HERPUD2: variants seen among roughly 807,000 people sequenced by gnomAD.
HERPUD2 encodes the protein HERPUD family member 2.
A neutral mutation model predicts 49.9 loss-of-function variants in HERPUD2; 13 were observed. The observed-to-expected ratio is 0.26, with a 90% CI of 0.17 to 0.41. The LOEUF is 0.41. Among genes scored for constraint, HERPUD2 ranks in the 10% least tolerant of loss-of-function variants. The pLI is 1.00. For synonymous variants in HERPUD2, 172 were observed against 171.4 expected (o/e 1.00, Z -0.03); for missense variants, 449 against 492.2 (o/e 0.91, Z 0.83).
chr7:35,690,784 G>C (rs73340353), intron 2 of HERPUD2, among the ~76,000 whole-genome samples: 4,356 of 151,230 alleles, frequency 0.029, 185 homozygotes, highest in African/African-American at 0.098. Flanking sequence ...ACTCCAGCCT[G>C]GGAAACAAAA....
intron 2 of HERPUD2, among the ~76,000 whole-genome samples, chr7:35,674,379 C>CTACATATATATATA (rs1785705199): frequency 4.7e-5 from 2 of 42,968 alleles, no homozygotes; most frequent in Non-Finnish European, 8.0e-5. Context: ...GTCTTACAAC[C>CTACATATATATATA]TATATATATA....
chr7:35,686,747 C>CAAAAAAAAAA lies in HERPUD2; in HGVS notation c.147+7436_147+7437insTTTTTTTTTT, dbSNP rs1187930200. On this transcript the variant is annotated intron_variant, in intron 2 of 8. Transcript: ENST00000311350. ...AAAAAAAAAAAAAAAAAAAAAAAAC[C>CAAAAAAAAAA]AAACCCATTTCCAGGCCAGGGGTGG... Among the ~76,000 whole-genome samples the CAAAAAAAAAA allele has an allele frequency of 9.7e-5, 2 of 20,676 alleles. 1 individual carries two copies. Among genetic ancestry groups the CAAAAAAAAAA allele is most frequent in the Non-Finnish European group, 1.5e-4 (2 of 13,232 alleles). 13.6% of individuals were successfully genotyped at this position (20,676 alleles called of 152,430 possible).
chr7:35,666,922 A>G (rs1415237840), intron 5 of HERPUD2, among the ~76,000 whole-genome samples: 2 of 152,254 alleles, frequency 1.3e-5, no homozygotes, highest in African/African-American at 2.4e-5. Context: ...AGTTGATTAG[A>G]AACACTTGTG....
intron 8 of HERPUD2, 50 bp from the exon 9 acceptor site, chr7:35,633,901 A>G (rs777070070): frequency 2.0e-6 from 3 of 1,531,286 alleles, no homozygotes; most frequent in Non-Finnish European, 2.7e-6. Flanking sequence ...AACGAGCATT[A>G]GCTCATAATA....
chr7:35,644,065 A>C (rs1417205445), intron 5 of HERPUD2, among the ~76,000 whole-genome samples: 3 of 152,194 alleles, frequency 2.0e-5, no homozygotes, highest in Admixed American at 1.3e-4. Context: ...TAAAGCAAAT[A>C]AGTAATTATG....
chr7:35,649,763 G>C (rs1307386945), intron 5 of HERPUD2, among the ~76,000 whole-genome samples: 2 of 152,222 alleles, frequency 1.3e-5, no homozygotes, highest in Non-Finnish European at 2.9e-5. Flanking sequence ...TTATCATATA[G>C]ATAAAGCTCC....
intron 6 of HERPUD2, among the ~76,000 whole-genome samples, chr7:35,637,143 A>C (rs1784883149): frequency 7.2e-6 from 1 of 138,828 alleles, no homozygotes; most frequent in Admixed American, 7.2e-5. Flanking sequence ...AAAAAAAAAG[A>C]AAGAAAGAAA....
At chr7:35,644,317 T>C (rs1562669596) in intron 5 of HERPUD2, among the ~76,000 whole-genome samples, 1 of 150,592 alleles carries the variant, frequency 6.6e-6, no homozygotes, top group Non-Finnish European at 1.5e-5. Flanking sequence ...TAACTACCAG[T>C]TTACAGGCAA....
chr7:35,685,585 C>A (rs1786021522), intron 2 of HERPUD2, among the ~76,000 whole-genome samples: 1 of 151,972 alleles, frequency 6.6e-6, no homozygotes, highest in Non-Finnish European at 1.5e-5. Context: ...TTCAGCCTCC[C>A]AAAGTGCTGA....
At position 35,673,185 on chromosome 7, in the gene HERPUD2, T is replaced by C; in HGVS notation, c.225+16A>G. On this transcript the variant is annotated intron_variant, in intron 3 of 8. Coordinates refer to ENST00000311350, the MANE Select transcript of HERPUD2 (RefSeq NM_022373.5). ...TCTGAATGTATCTGGTATCAAATAG[T>C]GGTAGAAAAGCTTACTTTTCTGAGA... 1 of 1,595,176 alleles carries C rather than the reference T, an allele frequency of 6.3e-7. No individual in the cohort carries two copies. The highest frequency in any genetic ancestry group is 8.6e-7 in the Non-Finnish European group (1 of 1,165,242).
intron 7 of HERPUD2, 86 bp downstream of exon 7, chr7:35,635,049 A>G: frequency 5.3e-6 from 5 of 945,056 alleles, no homozygotes; most frequent in Non-Finnish European, 8.0e-6. Flanking sequence ...CCTTCACTCA[A>G]CATTCACAAC....
At chr7:35,650,104 G>A (rs1004431170) in intron 5 of HERPUD2, among the ~76,000 whole-genome samples, 6 of 152,028 alleles carry the variant, frequency 3.9e-5, no homozygotes, top group Non-Finnish European at 7.4e-5. Context: ...GCTTCATGAC[G>A]GCTAACTAGA....
Position 35,635,445 on chromosome 7 carries a change from A to G in HERPUD2, c.631T>C (p.Ser211Pro). 1.2e-6 allele frequency: 2 copies of G among 1,610,338 alleles called. No homozygotes were observed. Among genetic ancestry groups the G allele is most frequent in the Non-Finnish European group, 1.7e-6 (2 of 1,177,134 alleles). ...QYYMQYQAAV[S>P]AQATSNVNPT... is the part of the protein sequence containing the mutation. ...TTGACATTTGATGTGGCCTGAGCTGAAACTGCAGCTTGACTGAAATAGTCA... is the reference window on the plus strand; with the variant it reads ...TTGACATTTGATGTGGCCTGAGCTGGAACTGCAGCTTGACTGAAATAGTCA... Residue 211 changes from serine (S) to proline (P), a missense_variant, in exon 7 of 9, where the codon TCA (serine) becomes CCA (proline). Transcript: ENST00000311350.
At chr7:35,647,837 T>C (rs1785082759) in intron 5 of HERPUD2, among the ~76,000 whole-genome samples, 1 of 152,212 alleles carries the variant, frequency 6.6e-6, no homozygotes, top group Non-Finnish European at 1.5e-5. Flanking sequence ...GACCAGAGTT[T>C]TTATAAAATG....
chr7:35,655,406 G>C (rs969825667), intron 5 of HERPUD2, among the ~76,000 whole-genome samples: 2 of 152,156 alleles, frequency 1.3e-5, no homozygotes, highest in African/African-American at 4.8e-5. Flanking sequence ...AGGGATGCAA[G>C]AATGATTCAA....
intron 2 of HERPUD2, among the ~76,000 whole-genome samples, chr7:35,682,275 ATACAC>A (rs1785914370): frequency 2.7e-5 from 1 of 36,458 alleles, no homozygotes; most frequent in Non-Finnish European, 5.5e-5. Flanking sequence ...ATATAGATAT[ATACAC>A]ATACACACGT....
chr7:35,667,525 C>A lies in HERPUD2; in HGVS notation c.403G>T (p.Gly135Cys). ...SGQETLSLAV[G>C]SSSEGLRQRT... ...TGCCTCAATCCTTCTGAGGAAGAAC[C>A]CACAGCTAAAGACAAGGTTTCTTGA... Residue 135 changes from glycine (G) to cysteine (C), a missense_variant, in exon 5 of 9, where the codon GGT becomes TGT. Gly to Cys is a radical substitution (Grantham distance 159). Transcript: ENST00000311350. 6.2e-7 allele frequency: 1 copy of A among 1,613,692 alleles called. No individual in the cohort carries two copies. The highest frequency in any genetic ancestry group is 8.5e-7 in the Non-Finnish European group (1 of 1,179,758).
At chr7:35,638,495 T>G (rs1316057322) in intron 5 of HERPUD2, 23 bp from the exon 6 acceptor site, 3 of 1,609,382 alleles carry the variant, frequency 1.9e-6, no homozygotes, top group Non-Finnish European at 2.5e-6. Flanking sequence ...AATAATGAGC[T>G]CTTTTAATGC....
At position 35,635,418 on chromosome 7, in the gene HERPUD2, G is replaced by A; in HGVS notation, c.658C>T (p.Pro220Ser). 6.2e-7 allele frequency: 1 copy of A among 1,613,980 alleles called. No individual in the cohort carries two copies. Among genetic ancestry groups the A allele is most frequent in the Non-Finnish European group, 8.5e-7 (1 of 1,180,002 alleles). The change falls in exon 7 of 9, where the codon CCA becomes TCA. Residue 220 changes from proline (P) to serine (S), a missense_variant. Coordinates refer to ENST00000311350, the MANE Select transcript of HERPUD2 (RefSeq NM_022373.5). The stretch of plus-strand genomic sequence containing the variant: ...GGCTGTGAAGTAGTAGGCTGGGTTG[G>A]GTTGACATTTGATGTGGCCTGAGCT... The part of the protein sequence containing the change: ...VSAQATSNVN[P>S]TQPTTSQPLN...
Sources: gnomAD v4.1 joint callset for allele counts (sites outside exome capture counted in the v4.1 genomes callset) on GRCh38, gnomAD v4.1.1 for gene constraint, MANE v1.5 for transcripts, NCBI Gene and HGNC (gene_info 2026-07-23, HGNC 2026-07-21) for gene names.